The following PIGK variants were observed in gnomAD, a reference collection of about 807,000 sequenced individuals.
PIGK encodes phosphatidylinositol glycan anchor biosynthesis class K.
A neutral mutation model predicts 50.6 loss-of-function variants in PIGK; 42 were observed. The ratio of observed to expected loss-of-function variants is 0.83; its 90% CI spans 0.65 to 1.07. The LOEUF is 1.07. Among genes scored for constraint, PIGK ranks in the 50% least tolerant of loss-of-function variants. The probability of loss-of-function intolerance (pLI) is 0.00; values close to 1 mark genes in which losing one functional copy is unlikely to be tolerated. For synonymous variants in PIGK, 151 were observed against 156.0 expected (o/e 0.97, Z 0.24); for missense variants, 448 against 488.7 (o/e 0.92, Z 0.78).
chr1:77,151,756 G>A (rs189507420), intron 9 of PIGK, among the ~76,000 whole-genome samples: 29 of 151,666 alleles, frequency 1.9e-4, no homozygotes, highest in African/African-American at 7.0e-4. Flanking sequence ...ACCTACCAAA[G>A]GAAAAAATAA....
intron 3 of PIGK, chr1:77,194,820 C>T: frequency 2.8e-6 from 1 of 361,980 alleles, no homozygotes; most frequent in Non-Finnish European, 5.3e-6. Context: ...AAAAAAGACT[C>T]AGTGACCAGG....
intron 4 of PIGK, among the ~76,000 whole-genome samples, chr1:77,168,868 T>C (rs1443431964): frequency 6.6e-6 from 1 of 152,070 alleles, no homozygotes; most frequent in Admixed American, 6.6e-5. Flanking sequence ...ACACTGGAAG[T>C]ATATTGAAAC....
In PIGK at chr1:77,154,570, C is replaced by G. The variant is rs369954648; in HGVS notation, c.865G>C (p.Asp289His). Reference sequence around the variant, plus strand: ...TTTTTAGGATCCCTCTGAAAAAGATCAGTGCGATGTCCAGGAGTAGACACA... The same window carrying G: ...TTTTTAGGATCCCTCTGAAAAAGATGAGTGCGATGTCCAGGAGTAGACACA... Reference protein sequence around the residue: ...LCVSTPGHRTDLFQRDPKNVL... With the variant: ...LCVSTPGHRTHLFQRDPKNVL... The change falls in exon 9 of 11, where the codon GAT (aspartate) becomes CAT (histidine). Residue 289 changes from aspartate to histidine, a missense_variant. Physicochemically the swap from Asp to His is moderately conservative, Grantham distance 81. Coordinates refer to ENST00000370812, the MANE Select transcript of PIGK (RefSeq NM_005482.3). The G allele has an allele frequency of 3.0e-5, 48 of 1,612,926 alleles. No individual in the cohort carries two copies. Among genetic ancestry groups the G allele is most frequent in the Non-Finnish European group, 4.1e-5 (48 of 1,179,142 alleles).
At chr1:77,125,373 A>G (rs1654207463) in intron 9 of PIGK, among the ~76,000 whole-genome samples, 1 of 152,216 alleles carries the variant, frequency 6.6e-6, no homozygotes, top group South Asian at 2.1e-4. Context: ...ATGTTTCTTA[A>G]TAACAGCAGC....
intron 10 of PIGK, among the ~76,000 whole-genome samples, chr1:77,119,548 T>C (rs1001217035): frequency 6.6e-6 from 1 of 152,238 alleles, no homozygotes; most frequent in Non-Finnish European, 1.5e-5. Context: ...TTCCTAGGTA[T>C]ACAGTCATAT....
At chr1:77,118,067 T>A (rs578146417) in intron 10 of PIGK, among the ~76,000 whole-genome samples, 83 of 152,300 alleles carry the variant, frequency 5.4e-4, no homozygotes, top group African/African-American at 1.8e-3. Flanking sequence ...CATCAACATG[T>A]TTTTTATCAG....
intron 3 of PIGK, among the ~76,000 whole-genome samples, chr1:77,197,408 G>A (rs971911820): frequency 6.6e-6 from 1 of 152,156 alleles, no homozygotes. Flanking sequence ...ATTGTCTTAC[G>A]TAATAATAGG....
intron 3 of PIGK, among the ~76,000 whole-genome samples, chr1:77,202,261 T>C (rs530736152): frequency 1.3e-5 from 2 of 152,288 alleles, no homozygotes; most frequent in Admixed American, 6.5e-5. Context: ...TACCAAAGAA[T>C]GCACTGTGAG....
Position 77,219,278 on chromosome 1 carries a change from C to G in PIGK, c.93+32G>C, listed in dbSNP as rs1198749841. ...CTGCTGGAGGGCTCACAGCCGGCCT[C>G]CCGGCTGTGGTCAAATGAGCCTGAC... On this transcript the variant is annotated intron_variant, in intron 1 of 10. Coordinates refer to ENST00000370812, the MANE Select transcript of PIGK (RefSeq NM_005482.3). 7 of 1,568,868 alleles carry G rather than the reference C, an allele frequency of 4.5e-6. 1 individual carries two copies. The highest frequency in any genetic ancestry group is 3.3e-5 in the South Asian group (3 of 89,866).
chr1:77,202,384 G>C (rs1471497741), intron 3 of PIGK, among the ~76,000 whole-genome samples: 1 of 152,146 alleles, frequency 6.6e-6, no homozygotes, highest in Non-Finnish European at 1.5e-5. Context: ...GAAAGCTTTA[G>C]GGAATTCATG....
At chr1:77,182,186 T>C (rs1655630109) in intron 3 of PIGK, among the ~76,000 whole-genome samples, 1 of 152,200 alleles carries the variant, frequency 6.6e-6, no homozygotes, top group Non-Finnish European at 1.5e-5. Context: ...AAGTTACATG[T>C]GGTTGAATAT....
intron 2 of PIGK, 30 bp downstream of exon 2, chr1:77,210,406 C>G (rs762385040): frequency 1.4e-6 from 2 of 1,425,830 alleles, no homozygotes; most frequent in African/African-American, 1.4e-5. Flanking sequence ...CTAATGTGAA[C>G]AGCAAGGTAT....
intron 9 of PIGK, among the ~76,000 whole-genome samples, chr1:77,125,979 C>T (rs912960667): frequency 1.3e-5 from 2 of 152,054 alleles, no homozygotes; most frequent in Non-Finnish European, 2.9e-5. Context: ...TTGTGATTTA[C>T]TTTTCATTTC....
intron 3 of PIGK, among the ~76,000 whole-genome samples, chr1:77,175,462 C>T (rs1336249434): frequency 6.6e-6 from 1 of 151,910 alleles, no homozygotes; most frequent in Non-Finnish European, 1.5e-5. Context: ...AATTTATGCA[C>T]CAAAAGTAAA....
chr1:77,183,040 C>T (rs1187899225), intron 3 of PIGK, among the ~76,000 whole-genome samples: 1 of 152,144 alleles, frequency 6.6e-6, no homozygotes, highest in Non-Finnish European at 1.5e-5. Flanking sequence ...GACTGAGAGT[C>T]TTATCTCCTG....
chr1:77,154,998 T>C (rs1654978122), intron 8 of PIGK, among the ~76,000 whole-genome samples: 1 of 152,210 alleles, frequency 6.6e-6, no homozygotes, highest in Non-Finnish European at 1.5e-5. Flanking sequence ...TCTACTAGAA[T>C]GGTTTTCAAA....
At chr1:77,191,166 G>T (rs1415757563) in intron 3 of PIGK, among the ~76,000 whole-genome samples, 3 of 152,132 alleles carry the variant, frequency 2.0e-5, no homozygotes, top group African/African-American at 7.2e-5. Flanking sequence ...TGATCATTTT[G>T]GATGGCTCAC....
At chr1:77,199,265 C>A (rs1656106771) in intron 3 of PIGK, among the ~76,000 whole-genome samples, 1 of 152,010 alleles carries the variant, frequency 6.6e-6, no homozygotes, top group South Asian at 2.1e-4. Flanking sequence ...CACTTCTCCA[C>A]AAGGAACATC....
At chr1:77,170,182 T>C (rs902072876) in intron 3 of PIGK, among the ~76,000 whole-genome samples, 3 of 152,222 alleles carry the variant, frequency 2.0e-5, no homozygotes, top group Non-Finnish European at 4.4e-5. Flanking sequence ...TATCTTTTTT[T>C]ATTTTTATTT....
Sources: gnomAD v4.1 joint callset for allele counts (sites outside exome capture counted in the v4.1 genomes callset) on GRCh38, gnomAD v4.1.1 for gene constraint, MANE v1.5 for transcripts, NCBI Gene and HGNC (gene_info 2026-07-23, HGNC 2026-07-21) for gene names.